ERC2: variants seen among roughly 807,000 people sequenced by gnomAD.
ERC2 encodes ELKS/RAB6-interacting/CAST family member 2, also known as ERC protein 2.
A neutral mutation model predicts 114.8 loss-of-function variants in ERC2; 42 were observed. The observed-to-expected ratio is 0.37, with a 90% CI of 0.29 to 0.47. ERC2 has a LOEUF of 0.47. Ranked by LOEUF, ERC2 falls within the 20% of genes least tolerant of loss-of-function variation. The pLI is 0.99. For synonymous variants in ERC2, 454 were observed against 425.5 expected, an observed-to-expected ratio of 1.07 and a Z score of -0.82; for missense variants, 939 against 1,150.7, an observed-to-expected ratio of 0.82 and a Z score of 2.66.
intron 17 of ERC2, among the ~76,000 whole-genome samples, chr3:55,588,395 G>A (rs1009672214): frequency 1.3e-5 from 2 of 152,120 alleles, no homozygotes; most frequent in Non-Finnish European, 2.9e-5. Context: ...ATCATAAAGC[G>A]TCGGCAACTG....
chr3:56,438,992 C>T (rs2062159201), intron 1 of ERC2, among the ~76,000 whole-genome samples: 1 of 152,138 alleles, frequency 6.6e-6, no homozygotes, highest in African/African-American at 2.4e-5. Context: ...GCCACTGGCC[C>T]ATAGATTTCT....
At chr3:56,440,378 C>G (rs554156061) in intron 1 of ERC2, among the ~76,000 whole-genome samples, 1 of 152,198 alleles carries the variant, frequency 6.6e-6, no homozygotes, top group South Asian at 2.1e-4. Context: ...CCCATCTCTA[C>G]TAATAGTAAA....
intron 14 of ERC2, among the ~76,000 whole-genome samples, chr3:55,871,212 T>C (rs1161468916): frequency 6.6e-6 from 1 of 152,202 alleles, no homozygotes; most frequent in Non-Finnish European, 1.5e-5. Flanking sequence ...CATGACTGGA[T>C]CAACATCTAG....
intron 17 of ERC2, among the ~76,000 whole-genome samples, chr3:55,561,778 G>A (rs909950826): frequency 1.3e-5 from 2 of 152,150 alleles, no homozygotes; most frequent in Non-Finnish European, 2.9e-5. Flanking sequence ...CCATCTGAGT[G>A]GGAGCATGTG....
rs6803507 is a variant in ERC2 at position 55,860,361 on chromosome 3, A to T, written c.2564+28028T>A. 7.0e-3 allele frequency among the ~76,000 whole-genome samples: 1,073 copies of T among 152,236 alleles called. 11 individuals are homozygous for T. The highest frequency in any genetic ancestry group is 0.024 in the African/African-American group (1,012 of 41,534). On this transcript the variant is annotated intron_variant, in intron 14 of 17. Coordinates refer to ENST00000288221, the MANE Select transcript of ERC2 (RefSeq NM_015576.3). ...GCTCTACCAAGAGGCCATCTCTCCA[A>T]GCTGGGGCGATGTGCACCCCCCGCC...
chr3:55,728,266 C>G (rs1178955499), intron 15 of ERC2, among the ~76,000 whole-genome samples: 4 of 152,156 alleles, frequency 2.6e-5, no homozygotes, highest in Admixed American at 2.0e-4. Flanking sequence ...AGCTCAAAAA[C>G]TAGCAAGGCA....
intron 17 of ERC2, among the ~76,000 whole-genome samples, chr3:55,528,670 C>G (rs2053486457): frequency 6.6e-6 from 1 of 152,172 alleles, no homozygotes; most frequent in African/African-American, 2.4e-5. Context: ...CTGTCTGGTA[C>G]AGACACAAGG....
chr3:55,670,917 G>A (rs529533878), intron 17 of ERC2, among the ~76,000 whole-genome samples: 5 of 152,314 alleles, frequency 3.3e-5, no homozygotes, highest in Non-Finnish European at 7.3e-5. Context: ...ATAGTTTACA[G>A]TGGAACACAG....
chr3:56,442,191 A>G (rs1182510172), intron 1 of ERC2, among the ~76,000 whole-genome samples: 4 of 152,090 alleles, frequency 2.6e-5, no homozygotes, highest in South Asian at 4.2e-4. Context: ...TTTCAGCACT[A>G]TACATTCAGT....
chr3:56,170,603 T>TTG (rs2082601229), intron 4 of ERC2, among the ~76,000 whole-genome samples: 3 of 82,692 alleles, frequency 3.6e-5, no homozygotes, highest in African/African-American at 6.2e-5. Flanking sequence ...TTTTTTTTTT[T>TTG]TTTTTTTTTT....
intron 2 of ERC2, 56 bp downstream of exon 2, chr3:56,434,295 T>A: frequency 6.5e-7 from 1 of 1,532,892 alleles, no homozygotes; most frequent in African/African-American, 1.4e-5. Context: ...CTGCAAAGCA[T>A]CAACTACTCA....
intron 17 of ERC2, among the ~76,000 whole-genome samples, chr3:55,569,661 A>G (rs2056589988): frequency 6.6e-6 from 1 of 152,122 alleles, no homozygotes; most frequent in Admixed American, 6.6e-5. Flanking sequence ...TGTCACACAC[A>G]TTTTTTTAAA....
intron 3 of ERC2, among the ~76,000 whole-genome samples, chr3:56,271,175 C>T (rs1290943846): frequency 6.6e-6 from 1 of 152,192 alleles, no homozygotes; most frequent in Non-Finnish European, 1.5e-5. Flanking sequence ...TCTGTCAGGG[C>T]ATGCACCCTA....
chr3:55,733,530 TTTCTCTCTCTCTCA>T (rs1417569614), intron 15 of ERC2, among the ~76,000 whole-genome samples: 7 of 36,926 alleles, frequency 1.9e-4, no homozygotes, highest in Non-Finnish European at 3.9e-4. Context: ...TCTCTCATTC[TTTCTCTCTCTCTCA>T]CACACACACA....
intron 17 of ERC2, among the ~76,000 whole-genome samples, chr3:55,639,416 G>C (rs1021081806): frequency 1.3e-5 from 2 of 152,140 alleles, no homozygotes; most frequent in African/African-American, 2.4e-5. Flanking sequence ...CAGGAGACTG[G>C]GGACCAGGAC....
At chr3:56,285,173 C>T (rs2054614392) in intron 3 of ERC2, among the ~76,000 whole-genome samples, 1 of 149,970 alleles carries the variant, frequency 6.7e-6, no homozygotes, top group African/African-American at 2.5e-5. Context: ...GTGAAGAAGT[C>T]TCCTGATCTG....
intron 3 of ERC2, among the ~76,000 whole-genome samples, chr3:56,225,408 G>A (rs145812998): frequency 1.1e-4 from 17 of 152,232 alleles, no homozygotes; most frequent in East Asian, 9.7e-4. Context: ...TTGTCTAAGC[G>A]CAGACAATAA....
chr3:55,624,469 G>A (rs934878977), intron 17 of ERC2, among the ~76,000 whole-genome samples: 1 of 152,176 alleles, frequency 6.6e-6, no homozygotes, highest in Admixed American at 6.5e-5. Context: ...CTGAGTCAGG[G>A]AAACCACCCC....
intron 17 of ERC2, among the ~76,000 whole-genome samples, chr3:55,569,712 G>T (rs2056592157): frequency 6.6e-6 from 1 of 152,054 alleles, no homozygotes; most frequent in South Asian, 2.1e-4. Flanking sequence ...ATTAAGTCAA[G>T]AATTTAAAAA....
Sources: gnomAD v4.1 joint callset for allele counts (sites outside exome capture counted in the v4.1 genomes callset) on GRCh38, gnomAD v4.1.1 for gene constraint, MANE v1.5 for transcripts, NCBI Gene and HGNC (gene_info 2026-07-23, HGNC 2026-07-21) for gene names.